The following PCED1B variants were observed in gnomAD, a reference collection of about 807,000 sequenced individuals.
PCED1B encodes the protein PC-esterase domain-containing protein 1B.
For synonymous variants in PCED1B, 251 were observed against 246.1 expected (o/e 1.02, Z -0.19); for missense variants, 573 against 573.9 (o/e 1.00, Z 0.02).
chr12:47,202,718 A>C (rs1011696032), intron 2 of PCED1B, among the ~76,000 whole-genome samples: 3 of 151,524 alleles, frequency 2.0e-5, no homozygotes, highest in Admixed American at 2.0e-4. Context: ...GATACAGCTC[A>C]TAAAAATATA....
chr12:47,170,512 C>T (rs147813929), intron 2 of PCED1B, among the ~76,000 whole-genome samples: 1,576 of 146,428 alleles, frequency 0.011, 24 homozygotes, highest in African/African-American at 0.04. Flanking sequence ...GGCGGCCGGG[C>T]GGAGGCGCCC....
At chr12:47,110,707 G>A (rs940495224) in intron 2 of PCED1B, among the ~76,000 whole-genome samples, 3 of 152,204 alleles carry the variant, frequency 2.0e-5, no homozygotes, top group African/African-American at 7.2e-5. Flanking sequence ...TATAATCAAT[G>A]AAAGGTATGA....
At chr12:47,186,695 G>C (rs1244955258) in intron 2 of PCED1B, among the ~76,000 whole-genome samples, 1 of 152,112 alleles carries the variant, frequency 6.6e-6, no homozygotes, top group Non-Finnish European at 1.5e-5. Context: ...TTCCCCTACA[G>C]CTTTCAGAAG....
intron 3 of PCED1B, among the ~76,000 whole-genome samples, 184 bp downstream of exon 3, chr12:47,216,873 GTGAT>G (rs1214195868): frequency 2.0e-5 from 3 of 152,124 alleles, no homozygotes; most frequent in African/African-American, 7.2e-5. Flanking sequence ...AAAAATATTA[GTGAT>G]TGATAAACTT....
At chr12:47,228,122 C>G (rs955470206) in intron 3 of PCED1B, among the ~76,000 whole-genome samples, 1 of 151,410 alleles carries the variant, frequency 6.6e-6, no homozygotes, top group African/African-American at 2.4e-5. Flanking sequence ...CAACCTCCTC[C>G]TTTCTGGACT....
chr12:47,103,726 T>C (rs935989266), intron 1 of PCED1B, among the ~76,000 whole-genome samples: 2 of 152,014 alleles, frequency 1.3e-5, no homozygotes, highest in Non-Finnish European at 2.9e-5. Context: ...CAGACTCTCC[T>C]CCTCTGTCTT....
intron 2 of PCED1B, among the ~76,000 whole-genome samples, chr12:47,148,102 G>A (rs1451405871): frequency 1.3e-5 from 2 of 152,170 alleles, no homozygotes; most frequent in African/African-American, 4.8e-5. Context: ...CATGGTGGAA[G>A]GCAGAAGAGC....
intron 3 of PCED1B, among the ~76,000 whole-genome samples, chr12:47,228,654 G>A (rs1163483581): frequency 6.6e-6 from 1 of 152,084 alleles, no homozygotes; most frequent in African/African-American, 2.4e-5. Context: ...CAGATCATCT[G>A]AGGTCAGGAG....
At chr12:47,234,591 G>A (rs915346712) in intron 3 of PCED1B, among the ~76,000 whole-genome samples, 1 of 152,052 alleles carries the variant, frequency 6.6e-6, no homozygotes, top group African/African-American at 2.4e-5. Context: ...CTTACTTGGG[G>A]TCCTCATTAT....
chr12:47,136,085 C>CCTT (rs33970935), intron 2 of PCED1B: 1 of 131,502 alleles, frequency 7.6e-6, no homozygotes, highest in Non-Finnish European at 1.6e-5. Flanking sequence ...CAATTTCTTT[C>CCTT]TTTTTTTTTT....
At chr12:47,154,138 A>G (rs970976046) in intron 2 of PCED1B, among the ~76,000 whole-genome samples, 2 of 152,222 alleles carry the variant, frequency 1.3e-5, no homozygotes, top group East Asian at 1.9e-4. Flanking sequence ...GGAAACGCGT[A>G]TCTTCTACCA....
intron 3 of PCED1B, among the ~76,000 whole-genome samples, chr12:47,221,827 C>T (rs1309073587): frequency 2.6e-5 from 4 of 152,098 alleles, no homozygotes; most frequent in Admixed American, 2.6e-4. Flanking sequence ...AGTGGCTGGG[C>T]ATGGTGGCTT....
intron 1 of PCED1B, among the ~76,000 whole-genome samples, chr12:47,093,102 A>T (rs1179715521): frequency 1.3e-5 from 2 of 151,982 alleles, no homozygotes; most frequent in Non-Finnish European, 2.9e-5. Flanking sequence ...GAATTCACTG[A>T]TAAACTATCT....
rs12320728 is a variant in PCED1B, at chr12:47,097,615, G to A, written c.-608-6498G>A. On this transcript the variant is annotated intron_variant, in intron 1 of 3. Transcript: ENST00000546455. ...TTTTTATGTACAATGGATTCCAAGA[G>A]TATTTTGGGAACTTCTCAGTGGTGA... Among the ~76,000 whole-genome samples the A allele has an allele frequency of 3.5e-3, 527 of 152,244 alleles. 4 individuals are homozygous for A. Among genetic ancestry groups the A allele is most frequent in the African/African-American group, 0.012 (503 of 41,532 alleles).
rs552411220 is a variant in PCED1B at position 47,231,848 on chromosome 12, C to T, written c.-57-3159C>T. Among the ~76,000 whole-genome samples the T allele has an allele frequency of 5.9e-5, 9 of 152,242 alleles. No homozygotes were observed. The South Asian group carries it at 1.5e-3, about 25-fold the overall frequency. On this transcript the variant is annotated intron_variant, in intron 3 of 3. Coordinates refer to ENST00000546455, the MANE Select transcript of PCED1B (RefSeq NM_138371.3). ...GAGTGCTGGCCCAGGGAAGGCACAT[C>T]GAGCTGGGGCAGCATGGGAGCCCTG...
intron 1 of PCED1B, among the ~76,000 whole-genome samples, chr12:47,092,878 A>G (rs1378680557): frequency 6.6e-6 from 1 of 152,064 alleles, no homozygotes; most frequent in African/African-American, 2.4e-5. Context: ...TACTGTATCA[A>G]TGGATTTGGC....
chr12:47,190,354 T>G (rs1942404400), intron 2 of PCED1B, among the ~76,000 whole-genome samples: 1 of 152,224 alleles, frequency 6.6e-6, no homozygotes. Context: ...AAGTTCCATC[T>G]GTTCTAACCC....
chr12:47,229,649 T>C (rs1943738714), intron 3 of PCED1B, among the ~76,000 whole-genome samples: 1 of 152,218 alleles, frequency 6.6e-6, no homozygotes, highest in Non-Finnish European at 1.5e-5. Flanking sequence ...TTTGTGTGCA[T>C]TGAACCATCA....
chr12:47,193,695 C>T (rs1307026461), intron 2 of PCED1B, among the ~76,000 whole-genome samples: 7 of 152,108 alleles, frequency 4.6e-5, no homozygotes, highest in African/African-American at 1.4e-4. Context: ...TATTTTCTCC[C>T]CGTGACATAA....
Sources: allele counts gnomAD v4.1 joint callset (sites outside exome capture counted in the v4.1 genomes callset), GRCh38; gene constraint gnomAD v4.1.1; transcripts MANE v1.5; gene names NCBI Gene and HGNC (gene_info 2026-07-23, HGNC 2026-07-21).